The following GRID2 variants were observed in gnomAD, a reference collection of about 807,000 sequenced individuals.
GRID2 encodes the protein glutamate receptor ionotropic, delta-2.
GRID2 carries 33 observed loss-of-function variants against 114.8 expected under a neutral mutation model. The observed-to-expected ratio is 0.29, with a 90% CI of 0.22 to 0.38. The LOEUF (loss-of-function observed/expected upper bound fraction) is 0.38, where lower values mean the gene tolerates loss of function less well. Among genes scored for constraint, GRID2 ranks in the 10% least tolerant of loss-of-function variants. GRID2 has a pLI of 1.00. For synonymous variants in GRID2, 505 were observed against 449.9 expected (o/e 1.12, Z -1.55); for missense variants, 1,184 against 1,257.7 (o/e 0.94, Z 0.89).
chr4:93,375,885 G>A (rs1763332052), intron 8 of GRID2, among the ~76,000 whole-genome samples: 1 of 152,090 alleles, frequency 6.6e-6, no homozygotes, highest in African/African-American at 2.4e-5. Flanking sequence ...AAATTCCACA[G>A]ACCAAGTGGC....
intron 1 of GRID2, among the ~76,000 whole-genome samples, chr4:92,454,341 A>G (rs1721099017): frequency 6.6e-6 from 1 of 152,238 alleles, no homozygotes; most frequent in South Asian, 2.1e-4. Context: ...ATGCATAAGG[A>G]TAAATTTGGC....
chr4:93,321,223 T>A (rs1757176504), intron 8 of GRID2, among the ~76,000 whole-genome samples: 2 of 152,066 alleles, frequency 1.3e-5, no homozygotes, highest in South Asian at 2.1e-4. Flanking sequence ...TGAGAAGGGG[T>A]GGTCAGGACT....
At chr4:93,040,916 A>T (rs1008481631) in intron 2 of GRID2, among the ~76,000 whole-genome samples, 4 of 152,056 alleles carry the variant, frequency 2.6e-5, no homozygotes, top group African/African-American at 4.8e-5. Flanking sequence ...TTTCTGGTTA[A>T]GTTCATTAGG....
At chr4:92,375,992 G>T (rs1309155460) in intron 1 of GRID2, among the ~76,000 whole-genome samples, 1 of 151,926 alleles carries the variant, frequency 6.6e-6, no homozygotes, top group African/African-American at 2.4e-5. Context: ...GCGATTCAGG[G>T]CACATATATC....
At chr4:93,011,764 A>G (rs1001719342) in intron 2 of GRID2, among the ~76,000 whole-genome samples, 1 of 152,086 alleles carries the variant, frequency 6.6e-6, no homozygotes, top group Admixed American at 6.6e-5. Context: ...CTTAGTTTTT[A>G]TCCACCTAAA....
At chr4:93,325,368 C>A (rs1002871496) in intron 8 of GRID2, among the ~76,000 whole-genome samples, 5 of 151,992 alleles carry the variant, frequency 3.3e-5, no homozygotes, top group African/African-American at 4.8e-5. Flanking sequence ...CAATCATTAT[C>A]TTTTTCATAT....
At chr4:93,244,395 C>T (rs921966948) in intron 8 of GRID2, among the ~76,000 whole-genome samples, 3 of 151,364 alleles carry the variant, frequency 2.0e-5, no homozygotes, top group East Asian at 3.9e-4. Flanking sequence ...AATCTTTATT[C>T]GGGCTCTCCA....
intron 2 of GRID2, among the ~76,000 whole-genome samples, chr4:92,679,481 A>G (rs1007546829): frequency 6.6e-6 from 1 of 151,976 alleles, no homozygotes; most frequent in Admixed American, 6.6e-5. Flanking sequence ...CACTATACCT[A>G]TTTCAAGAAA....
intron 2 of GRID2, among the ~76,000 whole-genome samples, chr4:92,627,564 A>T (rs1730584091): frequency 6.6e-6 from 1 of 152,082 alleles, no homozygotes; most frequent in African/African-American, 2.4e-5. Flanking sequence ...ATTTTTGCTA[A>T]CTTCTTATAT....
At chr4:93,107,727 C>G (rs903328447) in intron 3 of GRID2, among the ~76,000 whole-genome samples, 3 of 151,908 alleles carry the variant, frequency 2.0e-5, no homozygotes, top group Non-Finnish European at 2.9e-5. Flanking sequence ...CTCCTGGCCT[C>G]AAGTAATTCA....
chr4:93,599,654 A>G (rs1339199630), intron 13 of GRID2, among the ~76,000 whole-genome samples: 1 of 152,144 alleles, frequency 6.6e-6, no homozygotes, highest in Non-Finnish European at 1.5e-5. Flanking sequence ...TTGGCTTAGT[A>G]TCTTATACCA....
chr4:93,517,349 T>A (rs2149493023), intron 13 of GRID2, among the ~76,000 whole-genome samples: 1 of 152,224 alleles, frequency 6.6e-6, no homozygotes, highest in East Asian at 1.9e-4. Flanking sequence ...TATTCTTTGT[T>A]AGTCTGTTGA....
intron 14 of GRID2, among the ~76,000 whole-genome samples, chr4:93,657,697 G>T (rs1305395205): frequency 6.6e-6 from 1 of 151,834 alleles, no homozygotes; most frequent in Non-Finnish European, 1.5e-5. Context: ...CAACTTCAAA[G>T]AACTCAAACT....
chr4:93,669,346 A>G (rs994109739), intron 14 of GRID2, among the ~76,000 whole-genome samples: 13 of 152,096 alleles, frequency 8.5e-5, no homozygotes, highest in African/African-American at 2.9e-4. Flanking sequence ...GGTGGCAAAC[A>G]TATGTGTTAC....
At chr4:92,871,508 G>T (rs1745277006) in intron 2 of GRID2, among the ~76,000 whole-genome samples, 1 of 152,118 alleles carries the variant, frequency 6.6e-6, no homozygotes, top group African/African-American at 2.4e-5. Context: ...GTTACCAGAA[G>T]TTTAAAAACC....
At chr4:93,559,891 A>AT (rs1734720328) in intron 13 of GRID2, among the ~76,000 whole-genome samples, 3 of 152,184 alleles carry the variant, frequency 2.0e-5, no homozygotes, top group African/African-American at 7.2e-5. Flanking sequence ...ATGGAATACA[A>AT]TGCAGCCATA....
In GRID2 at chr4:93,015,198, C is replaced by T. The variant is rs138181648; in HGVS notation, c.245-69797C>T. 8.0e-3 allele frequency among the ~76,000 whole-genome samples: 1,219 copies of T among 152,046 alleles called. 9 individuals are homozygous for T. The highest frequency in any genetic ancestry group is 0.012 in the Non-Finnish European group (809 of 67,982). On this transcript the variant is annotated intron_variant, in intron 2 of 15. Coordinates refer to ENST00000282020, the MANE Select transcript of GRID2 (RefSeq NM_001510.4). ...AACTTTTGGCAGCTGTCTGTAACCA[C>T]TAAAAGATTAAAACCCATTGGTAAT...
chr4:92,493,538 G>A (rs1193388341), intron 1 of GRID2, among the ~76,000 whole-genome samples: 1 of 152,124 alleles, frequency 6.6e-6, no homozygotes, highest in South Asian at 2.1e-4. Flanking sequence ...AAACTCAAGT[G>A]CAGCAGCTTA....
At chr4:92,535,751 T>G (rs1725588536) in intron 1 of GRID2, among the ~76,000 whole-genome samples, 2 of 152,190 alleles carry the variant, frequency 1.3e-5, no homozygotes, top group Admixed American at 1.3e-4. Flanking sequence ...CTCGCTAACT[T>G]CAAGAATGAA....
Sources: gnomAD v4.1 joint callset for allele counts (sites outside exome capture counted in the v4.1 genomes callset) on GRCh38, gnomAD v4.1.1 for gene constraint, MANE v1.5 for transcripts, NCBI Gene and HGNC (gene_info 2026-07-23, HGNC 2026-07-21) for gene names.